Variants in NKAIN3 observed in about 807,000 individuals in gnomAD.
NKAIN3 encodes sodium/potassium-transporting ATPase subunit beta-1-interacting protein 3.
In NKAIN3, 25 loss-of-function variants were observed where a neutral mutation model predicts 30.2. That is an observed-to-expected ratio of 0.83 (90% CI 0.60 to 1.16). NKAIN3 has a LOEUF of 1.16. NKAIN3 is among the 50% of genes most tolerant of loss of function. The pLI is 0.00. For missense variants in NKAIN3, 225 were observed against 254.1 expected, an observed-to-expected ratio of 0.89 and a Z score of 0.78; for synonymous variants, 91 against 89.6, an observed-to-expected ratio of 1.02 and a Z score of -0.09.
In NKAIN3 at chr8:62,855,277, A is replaced by G. The variant is rs1056214370; in HGVS notation, c.472-63176A>G. On this transcript the variant is annotated intron_variant, in intron 4 of 6. Transcript: ENST00000623646. ...GCCTGCCAGCCTGGCCACAGTGTGG[A>G]AGGGCAGCTGGTCACACAGCCTCTG... The G allele has an allele frequency of 1.2e-4, 57 of 491,730 alleles. 1 individual carries two copies. The Admixed American group carries it at 1.9e-3, about 16-fold the overall frequency. The allele number at this position is 491,730 out of a possible 1,614,324, so 30.5% of individuals were successfully genotyped here.
rs1563597734 is a variant in NKAIN3, at chr8:62,859,507, C to CAAAAAAAAAAAAAAAAAAAAAA, written c.472-58946_472-58945insAAAAAAAAAAAAAAAAAAAAAA. 4.0e-4 allele frequency among the ~76,000 whole-genome samples: 4 copies of CAAAAAAAAAAAAAAAAAAAAAA among 9,930 alleles called. 1 individual carries two copies. The highest frequency in any genetic ancestry group is 1.2e-3 in the Non-Finnish European group (3 of 2,512). 6.5% of individuals were successfully genotyped at this position (9,930 alleles called of 152,430 possible). A position where few individuals can be genotyped will look rare whatever the true frequency, so the allele number is the denominator to read the frequency against. ...AACTTTTTCTATACTCTTACTTCAA[C>CAAAAAAAAAAAAAAAAAAAAAA]TAAAAAAAAAAAAACTTCATGGAAG... On this transcript the variant is annotated intron_variant, in intron 4 of 6. Coordinates refer to ENST00000623646, the MANE Select transcript of NKAIN3 (RefSeq NM_001304533.3).
At chr8:62,928,646 T>C (rs1468923210) in intron 5 of NKAIN3, among the ~76,000 whole-genome samples, 3 of 152,200 alleles carry the variant, frequency 2.0e-5, no homozygotes, top group Non-Finnish European at 4.4e-5. Flanking sequence ...GTTCCAGTCC[T>C]GGCCCCCAAA....
At chr8:62,933,102 G>C (rs1289950728) in intron 5 of NKAIN3, among the ~76,000 whole-genome samples, 1 of 151,904 alleles carries the variant, frequency 6.6e-6, no homozygotes, top group East Asian at 1.9e-4. Flanking sequence ...TGCTCTGCTG[G>C]ATGATGTGGA....
In NKAIN3 at chr8:62,747,865, T is replaced by G. The variant is rs1303735864; in HGVS notation, c.471+736T>G. ...AGCCATTCTCAACCCACTCTTCACA[T>G]AAACCAACCATCTCAGTTCTGTTCA... On this transcript the variant is annotated intron_variant, in intron 4 of 6. Transcript: ENST00000623646. 4.6e-5 allele frequency among the ~76,000 whole-genome samples: 7 copies of G among 152,330 alleles called. No homozygotes were observed. In the East Asian group the frequency reaches 1.4e-3, roughly 29 times the overall value.
chr8:62,683,889 G>A lies in NKAIN3; in HGVS notation c.274-63043G>A, dbSNP rs548034751. Among the ~76,000 whole-genome samples the A allele has an allele frequency of 5.3e-5, 8 of 152,268 alleles. No individual in the cohort carries two copies. The South Asian group carries it at 6.2e-4, about 12-fold the overall frequency. On this transcript the variant is annotated intron_variant, in intron 3 of 6. Coordinates refer to ENST00000623646, the MANE Select transcript of NKAIN3 (RefSeq NM_001304533.3). Reference sequence around the variant, plus strand: ...AGGCAGTTCCTGTCTGGATGGTCTCGCTGTTGACCTGGCTGGTGCATGGTT... The same window carrying A: ...AGGCAGTTCCTGTCTGGATGGTCTCACTGTTGACCTGGCTGGTGCATGGTT...
At chr8:62,775,204 G>A (rs1398559092) in intron 4 of NKAIN3, among the ~76,000 whole-genome samples, 7 of 152,034 alleles carry the variant, frequency 4.6e-5, no homozygotes, top group Non-Finnish European at 2.9e-5. Flanking sequence ...ATTGTTCACA[G>A]TGGCCTCTAA....
chr8:62,874,736 T>C (rs1276619823), intron 4 of NKAIN3, among the ~76,000 whole-genome samples: 1 of 152,188 alleles, frequency 6.6e-6, no homozygotes, highest in Non-Finnish European at 1.5e-5. Context: ...TCTCAATAGA[T>C]GCAGAAAAGG....
At chr8:62,515,291 A>G (rs149319673) in intron 1 of NKAIN3, among the ~76,000 whole-genome samples, 41 of 152,308 alleles carry the variant, frequency 2.7e-4, no homozygotes, top group South Asian at 1.9e-3. Flanking sequence ...TAAAAAGTAT[A>G]TATATTTATT....
chr8:62,443,737 T>A (rs1299701835), intron 1 of NKAIN3, among the ~76,000 whole-genome samples: 1 of 152,130 alleles, frequency 6.6e-6, no homozygotes, highest in Non-Finnish European at 1.5e-5. Flanking sequence ...TTATTATTAT[T>A]TTCTTATTTT....
chr8:62,467,722 A>G, intron 1 of NKAIN3, among the ~76,000 whole-genome samples: 1 of 152,238 alleles, frequency 6.6e-6, no homozygotes, highest in Non-Finnish European at 1.5e-5. Context: ...TAAATAAAAT[A>G]AAAATAAATA....
chr8:62,439,122 A>T (rs1805251677), intron 1 of NKAIN3, among the ~76,000 whole-genome samples: 1 of 152,200 alleles, frequency 6.6e-6, no homozygotes, highest in South Asian at 2.1e-4. Context: ...CTCTTGAAAT[A>T]TTTTAAGCAG....
chr8:62,952,912 C>T (rs909597139), intron 5 of NKAIN3, among the ~76,000 whole-genome samples: 26 of 151,990 alleles, frequency 1.7e-4, no homozygotes, highest in African/African-American at 5.8e-4. Flanking sequence ...ATTTTCTGCA[C>T]CAGAAGGAAT....
At position 62,248,941 on chromosome 8, in the gene NKAIN3, G is replaced by A; in HGVS notation, c.-133G>A. 1.3e-6 allele frequency: 1 copy of A among 763,248 alleles called. No homozygotes were observed. The highest frequency in any genetic ancestry group is 2.0e-6 in the Non-Finnish European group (1 of 502,668). 47.3% of individuals were successfully genotyped at this position (763,248 alleles called of 1,614,324 possible). A position where few individuals can be genotyped will look rare whatever the true frequency, so the allele number is the denominator to read the frequency against. On this transcript the variant is annotated 5_prime_UTR_variant, in exon 1 of 7. Transcript: ENST00000623646. ...AGGCGGGCGCGAGCCCCGAGCCCTG[G>A]AGCCGCGAGCGGCGGCCGCGGGGCC...
chr8:62,493,369 C>T (rs1393193443), intron 1 of NKAIN3, among the ~76,000 whole-genome samples: 1 of 151,908 alleles, frequency 6.6e-6, no homozygotes, highest in Non-Finnish European at 1.5e-5. Context: ...CTCTATTCTG[C>T]TCCACTTGTC....
At chr8:62,721,869 A>T (rs1015087556) in intron 3 of NKAIN3, among the ~76,000 whole-genome samples, 1 of 152,200 alleles carries the variant, frequency 6.6e-6, no homozygotes, top group Admixed American at 6.5e-5. Flanking sequence ...ACCTTGAAAC[A>T]TGTAGCCATA....
intron 4 of NKAIN3, among the ~76,000 whole-genome samples, chr8:62,902,837 C>G (rs1212667811): frequency 3.3e-5 from 5 of 152,124 alleles, no homozygotes; most frequent in Admixed American, 2.6e-4. Flanking sequence ...ATGAAATGAT[C>G]TACTTAAATA....
At chr8:62,409,985 T>A (rs1368438921) in intron 1 of NKAIN3, among the ~76,000 whole-genome samples, 1 of 152,206 alleles carries the variant, frequency 6.6e-6, no homozygotes, top group Non-Finnish European at 1.5e-5. Context: ...AGTTTTTATT[T>A]TTTTCAACTA....
intron 1 of NKAIN3, among the ~76,000 whole-genome samples, chr8:62,293,628 G>A (rs1813725127): frequency 1.3e-5 from 2 of 152,186 alleles, no homozygotes; most frequent in South Asian, 4.1e-4. Context: ...CCAGCTGTAT[G>A]AGGTGTCAGT....
At chr8:62,283,963 A>C (rs1378581669) in intron 1 of NKAIN3, among the ~76,000 whole-genome samples, 1 of 152,206 alleles carries the variant, frequency 6.6e-6, no homozygotes, top group African/African-American at 2.4e-5. Context: ...AAAAGCATTA[A>C]AAATTATTAA....
Sources: gnomAD v4.1 joint callset for allele counts (sites outside exome capture counted in the v4.1 genomes callset) on GRCh38, gnomAD v4.1.1 for gene constraint, MANE v1.5 for transcripts, NCBI Gene and HGNC (gene_info 2026-07-23, HGNC 2026-07-21) for gene names.